EFTUD2: variants seen among roughly 807,000 people sequenced by gnomAD.
EFTUD2 encodes 116 kDa U5 small nuclear ribonucleoprotein component.
In EFTUD2, 9 loss-of-function variants were observed where a neutral mutation model predicts 114.3. The observed-to-expected ratio is 0.08, with a 90% CI of 0.05 to 0.14. The LOEUF (loss-of-function observed/expected upper bound fraction) is 0.14. Among genes scored for constraint, EFTUD2 ranks in the 10% least tolerant of loss-of-function variants. The probability of loss-of-function intolerance (pLI) is 1.00; values close to 1 mark genes in which losing one functional copy is unlikely to be tolerated. For missense variants in EFTUD2, 765 were observed against 1,241.2 expected (o/e 0.62, Z 5.76); for synonymous variants, 449 against 462.3 (o/e 0.97, Z 0.37).
intron 2 of EFTUD2, among the ~76,000 whole-genome samples, chr17:44,893,776 G>C (rs943078046): frequency 8.7e-5 from 11 of 126,950 alleles, no homozygotes; most frequent in African/African-American, 2.6e-4. Context: ...GTGGGGGGGG[G>C]GGTGGGGGGG....
chr17:44,890,914 AT>A (rs2051267767), intron 2 of EFTUD2, among the ~76,000 whole-genome samples: 1 of 152,192 alleles, frequency 6.6e-6, no homozygotes, highest in Admixed American at 6.5e-5. Context: ...ACCCAAAGAA[AT>A]TTTTCCACAT....
chr17:44,861,366 A>G (rs1476124509), intron 16 of EFTUD2, among the ~76,000 whole-genome samples: 5 of 148,126 alleles, frequency 3.4e-5, no homozygotes. Context: ...AATCGCTTGA[A>G]CCCGGGAGGC....
At position 44,851,376 on chromosome 17, in the gene EFTUD2, G is replaced by A. The variant is rs1361190812; in HGVS notation, c.2824-7C>T. 19 of 1,610,940 alleles carry A rather than the reference G, an allele frequency of 1.2e-5. No individual in the cohort carries two copies. Among genetic ancestry groups the A allele is most frequent in the Non-Finnish European group, 1.5e-5 (18 of 1,177,648 alleles). On this transcript the variant is annotated splice_polypyrimidine_tract_variant and splice_region_variant and intron_variant, in intron 27 of 27. Coordinates refer to ENST00000426333, the MANE Select transcript of EFTUD2 (RefSeq NM_004247.4). ...TCACATCTTCACTGAGGCCCTGCAGGGAATGGGGCAAATATAAGAAAGCCC... is the reference window on the plus strand; with the variant it reads ...TCACATCTTCACTGAGGCCCTGCAGAGAATGGGGCAAATATAAGAAAGCCC...
chr17:44,885,408 A>G, intron 3 of EFTUD2, 74 bp from the exon 4 acceptor site: 1 of 982,012 alleles, frequency 1.0e-6, no homozygotes, highest in Non-Finnish European at 1.6e-6. Flanking sequence ...ATTCCATTAG[A>G]CTGACCTTTC....
chr17:44,868,241 G>A, intron 12 of EFTUD2, 46 bp downstream of exon 12: 1 of 1,554,248 alleles, frequency 6.4e-7, no homozygotes, highest in African/African-American at 1.4e-5. Context: ...CACTTACTGG[G>A]TAAATGATCA....
At chr17:44,866,090 G>A (rs185682839) in intron 13 of EFTUD2, among the ~76,000 whole-genome samples, 55 of 152,314 alleles carry the variant, frequency 3.6e-4, no homozygotes, top group African/African-American at 1.2e-3. Flanking sequence ...AATTACAGGC[G>A]TGAGCAACCA....
At position 44,862,740 on chromosome 17, in the gene EFTUD2, A is replaced by G. The variant is rs777505896; in HGVS notation, c.1580T>C (p.Val527Ala). ...GGCCACAGAGATCCAAAGGCGGCCC[A>G]CGGTGCATATCTGGGAGTCTTCCTC... Reference protein sequence around the residue: ...EDEEDSQICTVGRLWISVARY... With the variant: ...EDEEDSQICTAGRLWISVARY... Residue 527 changes from valine (V) to alanine (A), a missense_variant, in exon 16 of 28, where the codon GTG (valine) becomes GCG (alanine). By Grantham distance (64) the Val-to-Ala change is moderately conservative. This residue lies in a region of EFTUD2 where 149 missense variants were observed against 245.1 expected (regional missense o/e 0.61). Coordinates refer to ENST00000426333, the MANE Select transcript of EFTUD2 (RefSeq NM_004247.4). The G allele has an allele frequency of 6.2e-7, 1 of 1,613,984 alleles. No individual in the cohort carries two copies. Among genetic ancestry groups the G allele is most frequent in the Non-Finnish European group, 8.5e-7 (1 of 1,179,946 alleles).
chr17:44,867,674 A>G (rs779617801), intron 13 of EFTUD2, 133 bp downstream of exon 13: 4 of 617,114 alleles, frequency 6.5e-6, no homozygotes, highest in Non-Finnish European at 9.8e-6. Context: ...TGGAACAATT[A>G]GTGACCAACA....
chr17:44,856,885 C>T (rs2050566330), intron 20 of EFTUD2, among the ~76,000 whole-genome samples, 190 bp downstream of exon 20: 2 of 152,096 alleles, frequency 1.3e-5, no homozygotes, highest in Admixed American at 1.3e-4. Flanking sequence ...CGAATAATCC[C>T]ATGTCATTGT....
chr17:44,888,625 A>ATATG (rs2051218845), intron 2 of EFTUD2, among the ~76,000 whole-genome samples: 2 of 152,222 alleles, frequency 1.3e-5, no homozygotes, highest in African/African-American at 2.4e-5. Context: ...TGAATTCTGG[A>ATATG]TACATTACAA....
At chr17:44,858,439 C>G (rs2050596806) in intron 19 of EFTUD2, among the ~76,000 whole-genome samples, 1 of 151,992 alleles carries the variant, frequency 6.6e-6, no homozygotes, top group Non-Finnish European at 1.5e-5. Context: ...GGGTATGACT[C>G]CATCTCAAAA....
At chr17:44,863,124 G>A in intron 15 of EFTUD2, 1 of 428,620 alleles carries the variant, frequency 2.3e-6, no homozygotes. Flanking sequence ...TTTTTTTTGG[G>A]AGGATAAGGG....
intron 10 of EFTUD2, among the ~76,000 whole-genome samples, chr17:44,874,824 T>C (rs1048750610): frequency 6.6e-6 from 1 of 152,230 alleles, no homozygotes; most frequent in African/African-American, 2.4e-5. Context: ...AATTATAAGA[T>C]AATAGCAGCT....
At chr17:44,890,707 A>G (rs957288364) in intron 2 of EFTUD2, among the ~76,000 whole-genome samples, 1 of 152,104 alleles carries the variant, frequency 6.6e-6, no homozygotes, top group South Asian at 2.1e-4. Flanking sequence ...AATAACAATA[A>G]TAATAAATCT....
intron 20 of EFTUD2, among the ~76,000 whole-genome samples, 172 bp from the exon 21 acceptor site, chr17:44,855,176 G>A (rs1034204825): frequency 2.0e-5 from 3 of 152,194 alleles, no homozygotes; most frequent in Non-Finnish European, 4.4e-5. Flanking sequence ...GCCAAGGCAG[G>A]AGGATCACTG....
intron 2 of EFTUD2, among the ~76,000 whole-genome samples, chr17:44,887,891 C>T (rs935185758): frequency 1.3e-5 from 2 of 152,210 alleles, no homozygotes; most frequent in Non-Finnish European, 2.9e-5. Context: ...CTCACTTCTG[C>T]TAAAAAGTCT....
intron 2 of EFTUD2, among the ~76,000 whole-genome samples, chr17:44,888,827 G>A (rs1567753847): frequency 6.6e-6 from 1 of 152,210 alleles, no homozygotes; most frequent in Non-Finnish European, 1.5e-5. Context: ...CGCCAGGCTT[G>A]AGATTCCCTG....
chr17:44,859,143 C>T lies in EFTUD2; in HGVS notation c.1899G>A (p.Gly633=). Residue 633 remains glycine, a synonymous_variant, in exon 19 of 28, where the codon GGG becomes GGA. Transcript: ENST00000426333. ...GCATCACACAGTCCAGGTAGAGCTCCCCAGTGCCCAGGATCACATGCTCGC... is the reference window on the plus strand; with the variant it reads ...GCATCACACAGTCCAGGTAGAGCTCTCCAGTGCCCAGGATCACATGCTCGC... ...ESGEHVILGT[G]ELYLDCVMHD... The T allele has an allele frequency of 6.2e-7, 1 of 1,614,070 alleles. No homozygotes were observed. The highest frequency in any genetic ancestry group is 8.5e-7 in the Non-Finnish European group (1 of 1,179,936).
intron 2 of EFTUD2, chr17:44,891,863 A>C (rs969270729): frequency 6.6e-6 from 1 of 152,124 alleles, no homozygotes; most frequent in Non-Finnish European, 1.5e-5. Context: ...TCCCAACAAA[A>C]AAATCCTGCC....
Sources: gnomAD v4.1 joint callset for allele counts (sites outside exome capture counted in the v4.1 genomes callset) on GRCh38, gnomAD v4.1.1 for gene constraint, gnomAD v4.1.1 regional missense constraint, MANE v1.5 for transcripts, NCBI Gene and HGNC (gene_info 2026-07-23, HGNC 2026-07-21) for gene names.